Variants in AKR1C3 observed in about 807,000 individuals in gnomAD.
The protein encoded by AKR1C3 is aldo-keto reductase family 1 member C3.
AKR1C3 carries 48 observed loss-of-function variants against 43.6 expected under a neutral mutation model. That is an observed-to-expected ratio of 1.10 (90% confidence interval 0.87 to 1.40). AKR1C3 has a LOEUF of 1.40. AKR1C3 is among the 40% of genes most tolerant of loss of function. The pLI is 0.00. For missense variants in AKR1C3, 482 were observed against 391.2 expected (o/e 1.23, Z -1.96); for synonymous variants, 162 against 139.6 (o/e 1.16, Z -1.13).
rs782350000 is a variant in AKR1C3 at position 5,102,070 on chromosome 10, A to G, written c.571-31A>G. On this transcript the variant is annotated intron_variant, in intron 5 of 8. Coordinates refer to ENST00000380554, the MANE Select transcript of AKR1C3 (RefSeq NM_003739.6). ...ATATTAACATAACTATTTCATATAA[A>G]TTGATGCTTCTCTCTTTTGGTCAAC... 3.0e-6 allele frequency: 4 copies of G among 1,330,980 alleles called. No homozygotes were observed. The East Asian group carries it at 9.2e-5, about 31-fold the overall frequency. 82.4% of individuals were successfully genotyped at this position (1,330,980 alleles called of 1,614,324 possible).
At chr10:5,067,405 G>A (rs1263456220) in intron 1 of AKR1C3, among the ~76,000 whole-genome samples, 1 of 152,156 alleles carries the variant, frequency 6.6e-6, no homozygotes, top group Non-Finnish European at 1.5e-5. Context: ...ACAATTCCAA[G>A]AGTGTGGAGG....
At chr10:5,079,048 C>G (rs1838775962) in intron 1 of AKR1C3, among the ~76,000 whole-genome samples, 1 of 152,194 alleles carries the variant, frequency 6.6e-6, no homozygotes, top group African/African-American at 2.4e-5. Flanking sequence ...GCATGCTAGA[C>G]CTTCCAGTAG....
chr10:5,088,580 CTCTG>C (rs781796694), intron 1 of AKR1C3, among the ~76,000 whole-genome samples: 3 of 151,284 alleles, frequency 2.0e-5, no homozygotes, highest in Admixed American at 1.3e-4. Context: ...TAATGCTCTT[CTCTG>C]TCTTTTTAAA....
chr10:5,064,339 T>C (rs113166354), intron 1 of AKR1C3, among the ~76,000 whole-genome samples: 139 of 152,224 alleles, frequency 9.1e-4, no homozygotes, highest in African/African-American at 3.2e-3. Flanking sequence ...TGCAGAAGAT[T>C]GAAACGGGAA....
chr10:5,057,045 C>G (rs1430549899), intron 1 of AKR1C3, among the ~76,000 whole-genome samples: 1 of 152,194 alleles, frequency 6.6e-6, no homozygotes, highest in Non-Finnish European at 1.5e-5. Context: ...TGAGCTGACG[C>G]TTGCCCTGGG....
chr10:5,048,896 GTAA>G lies in AKR1C3; in HGVS notation c.84+9_84+11del, dbSNP rs782295734. 9.9e-6 allele frequency: 16 copies of G among 1,612,444 alleles called. No homozygotes were observed. Among genetic ancestry groups the G allele is most frequent in the Non-Finnish European group, 1.4e-5 (16 of 1,178,800 alleles). On this transcript the variant is annotated splice_donor_variant and splice_donor_region_variant and intron_variant, in intron 1 of 8. Transcript: ENST00000439082. LOFTEE classifies it high-confidence loss of function. ...ATTTGGCACCTATGCACCTCCAGAGGTAATAATAATGTTTTTGGTGCAGAGAGT... is the reference window on the plus strand; with the variant it reads ...ATTTGGCACCTATGCACCTCCAGAGGTAATAATGTTTTTGGTGCAGAGAGT...
intron 1 of AKR1C3, among the ~76,000 whole-genome samples, chr10:5,060,238 G>A (rs1194224761): frequency 6.6e-6 from 1 of 152,162 alleles, no homozygotes; most frequent in Non-Finnish European, 1.5e-5. Context: ...GTGTGGAAGG[G>A]GACCCGAACA....
In AKR1C3 at chr10:5,057,682, G is replaced by A. The variant is rs560610882; in HGVS notation, c.84+8787G>A. On this transcript the variant is annotated intron_variant, in intron 1 of 8. Coordinates refer to the AKR1C3 transcript ENST00000439082. ...AGAACACAGGTCAACAGATGTTTAC[G>A]ACTCCAGTCCCCATGATCTGAGTCA... is the stretch of plus-strand genomic sequence containing the variant. 5.9e-4 allele frequency among the ~76,000 whole-genome samples: 90 copies of A among 152,182 alleles called. 1 individual carries two copies. In the East Asian group the frequency reaches 9.9e-3, roughly 17 times the overall value.
intron 1 of AKR1C3, among the ~76,000 whole-genome samples, chr10:5,055,894 C>G (rs1838250739): frequency 6.6e-6 from 1 of 152,162 alleles, no homozygotes; most frequent in African/African-American, 2.4e-5. Context: ...TCCAAGGAAC[C>G]CCCTCAACTG....
intron 3 of AKR1C3, 97 bp from the exon 4 acceptor site, chr10:5,098,705 C>G: frequency 2.2e-6 from 2 of 909,250 alleles, no homozygotes; most frequent in East Asian, 2.5e-5. Flanking sequence ...TACCACCTGT[C>G]TCATGGAGGA....
upstream of AKR1C3, among the ~76,000 whole-genome samples, chr10:5,093,026 A>C (rs2131833004): frequency 6.6e-6 from 1 of 152,144 alleles, no homozygotes; most frequent in East Asian, 1.9e-4. Flanking sequence ...CAATTTTCTG[A>C]ACTTGTATCT....
In AKR1C3 at chr10:5,087,607, C is replaced by T. The variant is rs116511890; in HGVS notation, c.85-8803C>T. Among the ~76,000 whole-genome samples the T allele has an allele frequency of 3.6e-3, 548 of 152,076 alleles. 5 individuals carry two copies. Among genetic ancestry groups the T allele is most frequent in the African/African-American group, 0.012 (477 of 41,476 alleles). ...GCCAGGCTAGTCTCGAACTCTTGAC[C>T]TCAAGTGACCCTGCCTCAGCCTCCC... On this transcript the variant is annotated intron_variant, in intron 1 of 8. Transcript: ENST00000439082.
At chr10:5,064,621 A>G (rs1173755529) in intron 1 of AKR1C3, among the ~76,000 whole-genome samples, 14 of 152,214 alleles carry the variant, frequency 9.2e-5, no homozygotes, top group Admixed American at 8.5e-4. Context: ...AAATGCCCAC[A>G]CACTATGCAT....
chr10:5,075,916 G>A (rs879966482), intron 1 of AKR1C3, among the ~76,000 whole-genome samples: 22 of 150,516 alleles, frequency 1.5e-4, no homozygotes, highest in East Asian at 3.9e-4. Context: ...ACGGGGGCTC[G>A]GATGTATTAC....
At chr10:5,106,523 G>C (rs1241287464) in intron 8 of AKR1C3, among the ~76,000 whole-genome samples, 1 of 152,118 alleles carries the variant, frequency 6.6e-6, no homozygotes, top group Non-Finnish European at 1.5e-5. Flanking sequence ...GGCTGAGGTG[G>C]GCAGATCGAC....
chr10:5,052,382 G>A (rs1321657862), intron 1 of AKR1C3, among the ~76,000 whole-genome samples: 1 of 152,210 alleles, frequency 6.6e-6, no homozygotes, highest in Non-Finnish European at 1.5e-5. Flanking sequence ...GACCTGAGCA[G>A]GTTGCCACTG....
chr10:5,099,044 T>C (rs1839284306), intron 4 of AKR1C3, among the ~76,000 whole-genome samples, 165 bp downstream of exon 4: 1 of 152,158 alleles, frequency 6.6e-6, no homozygotes, highest in South Asian at 2.1e-4. Context: ...AAGGAATGTT[T>C]AGAGAGTGGG....
chr10:5,070,556 A>T (rs1838596864), intron 1 of AKR1C3, among the ~76,000 whole-genome samples: 1 of 152,186 alleles, frequency 6.6e-6, no homozygotes, highest in South Asian at 2.1e-4. Context: ...ATTTACCTGG[A>T]ATATACCTTA....
chr10:5,053,709 C>T (rs1838202016), intron 1 of AKR1C3, among the ~76,000 whole-genome samples: 1 of 152,222 alleles, frequency 6.6e-6, no homozygotes, highest in African/African-American at 2.4e-5. Flanking sequence ...GGGAATTTGG[C>T]CAATGACTGC....
Sources: gnomAD v4.1 joint callset for allele counts (sites outside exome capture counted in the v4.1 genomes callset) on GRCh38, gnomAD v4.1.1 for gene constraint, MANE v1.5 for transcripts, NCBI Gene and HGNC (gene_info 2026-07-23, HGNC 2026-07-21) for gene names.